Variants in SLC25A21 observed in about 807,000 individuals in gnomAD.
The protein encoded by SLC25A21 is solute carrier family 25 member 21.
A neutral mutation model predicts 43.8 loss-of-function variants in SLC25A21; 47 were observed. That is an observed-to-expected ratio of 1.07 (90% CI 0.85 to 1.37). The LOEUF (loss-of-function observed/expected upper bound fraction) is 1.37, where lower values mean the gene tolerates loss of function less well. Ranked by LOEUF, SLC25A21 falls within the 40% of genes most tolerant of loss-of-function variation. The pLI is 0.00. For missense variants in SLC25A21, 352 were observed against 350.2 expected, an observed-to-expected ratio of 1.00 and a Z score of -0.04; for synonymous variants, 131 against 121.3, an observed-to-expected ratio of 1.08 and a Z score of -0.52.
chr14:37,098,801 ATAGATTT>A (rs1301122882), intron 1 of SLC25A21, among the ~76,000 whole-genome samples: 3 of 90,652 alleles, frequency 3.3e-5, no homozygotes, highest in African/African-American at 8.8e-5. Context: ...AGATAGATAG[ATAGATTT>A]TTTTTTTTTT....
At chr14:36,701,830 C>T (rs1303113220) in intron 7 of SLC25A21, among the ~76,000 whole-genome samples, 3 of 152,088 alleles carry the variant, frequency 2.0e-5, no homozygotes, top group Non-Finnish European at 4.4e-5. Context: ...CTCTCTGTTC[C>T]TTGACTCAAT....
rs1334951302 is a variant in SLC25A21, at chr14:37,043,561, C to T, written c.70+128720G>A. On this transcript the variant is annotated intron_variant, in intron 1 of 9. Transcript: ENST00000331299. ...TTTCCCAGTTGCCTTTGCTTACTTG[C>T]ATTTTATGGCTCTTTTTGGGCTACC... Among the ~76,000 whole-genome samples the T allele has an allele frequency of 3.3e-5, 5 of 152,266 alleles. No individual in the cohort carries two copies. The East Asian group carries it at 7.7e-4, about 24-fold the overall frequency.
At chr14:36,840,189 T>C (rs17105486) in intron 2 of SLC25A21, among the ~76,000 whole-genome samples, 1,884 of 152,056 alleles carry the variant, frequency 0.012, 29 homozygotes, top group African/African-American at 0.042. Context: ...AACTGAACTA[T>C]GGTTAAGAAT....
intron 2 of SLC25A21, among the ~76,000 whole-genome samples, chr14:36,865,954 G>C (rs1890202369): frequency 6.6e-6 from 1 of 152,138 alleles, no homozygotes; most frequent in African/African-American, 2.4e-5. Context: ...CTTAGTGCAA[G>C]TTAAGTCCTG....
chr14:36,786,617 G>A (rs572611920), intron 3 of SLC25A21, among the ~76,000 whole-genome samples: 6 of 152,154 alleles, frequency 3.9e-5, no homozygotes, highest in Non-Finnish European at 7.4e-5. Context: ...TCTTTGCAAG[G>A]CTCTTCCTTT....
intron 1 of SLC25A21, among the ~76,000 whole-genome samples, chr14:36,898,288 G>A (rs1401861555): frequency 1.3e-5 from 2 of 152,166 alleles, no homozygotes; most frequent in Non-Finnish European, 2.9e-5. Context: ...TCAGACTGCT[G>A]TGCTAGCAAT....
At chr14:36,703,385 C>T (rs2139173998) in intron 7 of SLC25A21, among the ~76,000 whole-genome samples, 1 of 152,300 alleles carries the variant, frequency 6.6e-6, no homozygotes, top group Middle Eastern at 3.4e-3. Context: ...AGACATTCTA[C>T]AGAATTTACC....
chr14:36,834,247 G>A (rs1248426405), intron 2 of SLC25A21, among the ~76,000 whole-genome samples: 2 of 152,168 alleles, frequency 1.3e-5, no homozygotes, highest in Non-Finnish European at 2.9e-5. Flanking sequence ...CTTGTATATT[G>A]GAGGGAAAAC....
chr14:36,871,583 G>T (rs1457142909), intron 2 of SLC25A21, among the ~76,000 whole-genome samples: 2 of 152,202 alleles, frequency 1.3e-5, no homozygotes, highest in East Asian at 1.9e-4. Flanking sequence ...ATTTGAATTT[G>T]ATACAACATA....
chr14:36,702,427 C>T (rs1883313935), intron 7 of SLC25A21, among the ~76,000 whole-genome samples: 1 of 138,060 alleles, frequency 7.2e-6, no homozygotes, highest in Admixed American at 8.0e-5. Flanking sequence ...TCACTTGAGC[C>T]CAGGAGTTGG....
At chr14:36,749,030 C>T (rs570417609) in intron 3 of SLC25A21, among the ~76,000 whole-genome samples, 7 of 152,334 alleles carry the variant, frequency 4.6e-5, no homozygotes, top group Admixed American at 3.9e-4. Flanking sequence ...TGCCAATCAC[C>T]GAATTTTGGC....
rs148206384 is a variant in SLC25A21 at position 36,999,665 on chromosome 14, C to G, written c.71-124661G>C. Among the ~76,000 whole-genome samples the G allele has an allele frequency of 7.9e-5, 12 of 152,142 alleles. 1 individual carries two copies. In the East Asian group the frequency reaches 2.1e-3, roughly 27 times the overall value. ...CCTTCTCTTGAATTTTGCTGTGAACCTAAAACTGCTCTTAAAAAGTAAAGT... is the reference window on the plus strand; with the variant it reads ...CCTTCTCTTGAATTTTGCTGTGAACGTAAAACTGCTCTTAAAAAGTAAAGT... On this transcript the variant is annotated intron_variant, in intron 1 of 9. Transcript: ENST00000331299.
intron 3 of SLC25A21, among the ~76,000 whole-genome samples, chr14:36,735,077 G>A (rs17176915): frequency 0.017 from 2,529 of 152,248 alleles, 25 homozygotes; most frequent in Non-Finnish European, 0.024. Context: ...TTCCAGCCCC[G>A]TCCTGATTTA....
intron 1 of SLC25A21, among the ~76,000 whole-genome samples, chr14:37,161,475 G>A (rs1963939308): frequency 6.6e-6 from 1 of 152,120 alleles, no homozygotes; most frequent in South Asian, 2.1e-4. Context: ...ACAATAGAAT[G>A]TCTGTTGTGG....
At chr14:36,805,913 C>T (rs967062429) in intron 3 of SLC25A21, among the ~76,000 whole-genome samples, 8 of 151,856 alleles carry the variant, frequency 5.3e-5, no homozygotes, top group South Asian at 2.1e-4. Flanking sequence ...AAGGGGAGAA[C>T]GGTTAGAGGT....
intron 1 of SLC25A21, among the ~76,000 whole-genome samples, chr14:36,973,063 A>T (rs1959789464): frequency 6.6e-6 from 1 of 150,630 alleles, no homozygotes; most frequent in South Asian, 2.1e-4. Context: ...ATTTTAGTAG[A>T]AATAGGGTCT....
intron 2 of SLC25A21, among the ~76,000 whole-genome samples, chr14:36,866,833 A>G (rs1159720330): frequency 6.6e-6 from 1 of 152,244 alleles, no homozygotes; most frequent in African/African-American, 2.4e-5. Context: ...CTTTGTATGA[A>G]AAACAAAAGA....
At chr14:37,132,817 C>T (rs1963413269) in intron 1 of SLC25A21, among the ~76,000 whole-genome samples, 1 of 151,966 alleles carries the variant, frequency 6.6e-6, no homozygotes, top group Non-Finnish European at 1.5e-5. Flanking sequence ...GCAGCCTCAA[C>T]CTCCCCAGGC....
intron 1 of SLC25A21, among the ~76,000 whole-genome samples, chr14:36,948,764 G>A (rs567872398): frequency 1.6e-4 from 25 of 151,738 alleles, no homozygotes; most frequent in Non-Finnish European, 2.8e-4. Context: ...CCAAAGACGC[G>A]ATACTAAAAA....
Sources: gnomAD v4.1 joint callset for allele counts (sites outside exome capture counted in the v4.1 genomes callset) on GRCh38, gnomAD v4.1.1 for gene constraint, MANE v1.5 for transcripts, NCBI Gene and HGNC (gene_info 2026-07-23, HGNC 2026-07-21) for gene names.